The following ADGRL4 variants were observed in gnomAD, a reference collection of about 807,000 sequenced individuals.
ADGRL4 encodes adhesion G protein-coupled receptor L4, also known as EGF, latrophilin and seven transmembrane domain containing 1.
In ADGRL4, 90 loss-of-function variants were observed where a neutral mutation model predicts 74.8. That is an observed-to-expected ratio of 1.20 (90% confidence interval 1.02 to 1.43). ADGRL4 has a LOEUF of 1.43. Ranked by LOEUF, ADGRL4 falls within the 40% of genes most tolerant of loss-of-function variation. The probability of loss-of-function intolerance (pLI) is 0.00; values close to 1 mark genes in which losing one functional copy is unlikely to be tolerated. For synonymous variants in ADGRL4, 311 were observed against 279.2 expected (o/e 1.11, Z -1.14); for missense variants, 881 against 814.3 (o/e 1.08, Z -1.00).
chr1:78,977,287 T>C (rs781462494), intron 2 of ADGRL4, among the ~76,000 whole-genome samples: 2 of 151,808 alleles, frequency 1.3e-5, no homozygotes, highest in Non-Finnish European at 1.5e-5. Context: ...AGGACATCCA[T>C]CAAAAATATT....
At chr1:78,985,403 T>C (rs567883374) in intron 2 of ADGRL4, among the ~76,000 whole-genome samples, 1 of 151,912 alleles carries the variant, frequency 6.6e-6, no homozygotes, top group Non-Finnish European at 1.5e-5. Context: ...AATAAGTATA[T>C]ATTACTTTTA....
chr1:79,004,252 T>C (rs978356082), intron 2 of ADGRL4, among the ~76,000 whole-genome samples: 2 of 150,368 alleles, frequency 1.3e-5, no homozygotes, highest in Admixed American at 1.3e-4. Context: ...AACTAATTTG[T>C]ATGACCTAGT....
At chr1:78,946,078 T>A (rs2100695319) in intron 3 of ADGRL4, among the ~76,000 whole-genome samples, 196 bp downstream of exon 3, 1 of 152,270 alleles carries the variant, frequency 6.6e-6, no homozygotes, top group East Asian at 1.9e-4. Flanking sequence ...TTAAACCTTC[T>A]TCCTGTATCC....
chr1:78,920,487 CAAAATGTTCAT>C lies in ADGRL4; in HGVS notation c.1258-112_1258-102del, dbSNP rs938560046. ...CTTCCTTTTTTGGTGAAACATTAAT[CAAAATGTTCAT>C]AAAATGTAAAAATATAAATGTGCAT... On this transcript the variant is annotated intron_variant, in intron 9 of 14. Coordinates refer to ENST00000370742, the MANE Select transcript of ADGRL4 (RefSeq NM_022159.4). The C allele has an allele frequency of 7.2e-6, 5 of 692,222 alleles. No homozygotes were observed. The African/African-American group carries it at 9.2e-5, about 13-fold the overall frequency. The allele number at this position is 692,222 out of a possible 1,614,324, so 42.9% of individuals were successfully genotyped here. A position where few individuals can be genotyped will look rare whatever the true frequency, so the allele number is the denominator to read the frequency against.
At chr1:78,986,051 C>A (rs78086991) in intron 2 of ADGRL4, among the ~76,000 whole-genome samples, 5,467 of 151,480 alleles carry the variant, frequency 0.036, 123 homozygotes, top group South Asian at 0.053. Flanking sequence ...GGGTTAGGAT[C>A]GAAAAACTGC....
intron 12 of ADGRL4, among the ~76,000 whole-genome samples, chr1:78,914,774 A>G (rs1648836021): frequency 6.6e-6 from 1 of 151,684 alleles, no homozygotes; most frequent in Non-Finnish European, 1.5e-5. Flanking sequence ...GTAGGGGCAG[A>G]GTGGTTGGTT....
At chr1:78,912,612 G>C (rs988765483) in intron 12 of ADGRL4, among the ~76,000 whole-genome samples, 2 of 151,788 alleles carry the variant, frequency 1.3e-5, no homozygotes, top group African/African-American at 2.4e-5. Flanking sequence ...GTGCCAAAAA[G>C]TTGGGGATTG....
intron 12 of ADGRL4, among the ~76,000 whole-genome samples, chr1:78,913,183 T>C (rs1557495000): frequency 6.6e-6 from 1 of 151,968 alleles, no homozygotes; most frequent in Non-Finnish European, 1.5e-5. Flanking sequence ...TTATACACTG[T>C]TGGTGGGAGT....
chr1:78,939,566 T>C (rs1202278373), intron 3 of ADGRL4: 1 of 171,236 alleles, frequency 5.8e-6, no homozygotes, highest in Non-Finnish European at 1.2e-5. Flanking sequence ...TTGGAAGATG[T>C]AGCTCTGTGA....
At chr1:78,984,218 T>A (rs1000143808) in intron 2 of ADGRL4, among the ~76,000 whole-genome samples, 1 of 151,682 alleles carries the variant, frequency 6.6e-6, no homozygotes, top group African/African-American at 2.4e-5. Flanking sequence ...ATATTAATGA[T>A]TAATTTGAGG....
chr1:78,977,735 C>CT (rs527969244), intron 2 of ADGRL4, among the ~76,000 whole-genome samples: 36 of 151,552 alleles, frequency 2.4e-4, no homozygotes, highest in East Asian at 1.6e-3. Context: ...GAATAAGTGC[C>CT]TTTTTTTTCA....
chr1:78,966,524 T>C (rs1167598563), intron 2 of ADGRL4, among the ~76,000 whole-genome samples: 1 of 152,150 alleles, frequency 6.6e-6, no homozygotes, highest in Non-Finnish European at 1.5e-5. Context: ...TTTTCATCCT[T>C]GGTCTTCTGA....
intron 2 of ADGRL4, among the ~76,000 whole-genome samples, chr1:79,003,598 T>C (rs963100658): frequency 2.0e-5 from 3 of 152,008 alleles, no homozygotes; most frequent in Admixed American, 1.3e-4. Flanking sequence ...TAATGGAAGA[T>C]GCGTTTTTAA....
chr1:78,893,131 A>G lies in ADGRL4; in HGVS notation c.1808T>C (p.Leu603Ser). Residue 603 changes from leucine to serine, a missense_variant, in exon 13 of 15, where the codon TTG (leucine) becomes TCG (serine). Leu to Ser is a moderately radical substitution (Grantham distance 145). Coordinates refer to ENST00000370742, the MANE Select transcript of ADGRL4 (RefSeq NM_022159.4). ...IYKVFRHTAG[L>S]KPEVSCFENI... is the part of the protein sequence containing the mutation. ...CTCAAAGCAACTAACTTCTGGTTTCAACCCTGCAGTGTGACGAAAAACTTT... is the reference window on the plus strand; with the variant it reads ...CTCAAAGCAACTAACTTCTGGTTTCGACCCTGCAGTGTGACGAAAAACTTT... The G allele has an allele frequency of 2.5e-6, 4 of 1,602,186 alleles. No homozygotes were observed. The highest frequency in any genetic ancestry group is 3.4e-6 in the Non-Finnish European group (4 of 1,175,332).
chr1:78,903,307 C>A (rs553450933), intron 12 of ADGRL4, among the ~76,000 whole-genome samples: 2 of 152,192 alleles, frequency 1.3e-5, no homozygotes, highest in African/African-American at 4.8e-5. Context: ...TAAGATGTCT[C>A]CAAGTGCACT....
chr1:78,922,955 A>G (rs968954657), intron 8 of ADGRL4, among the ~76,000 whole-genome samples: 1 of 152,016 alleles, frequency 6.6e-6, no homozygotes, highest in East Asian at 1.9e-4. Context: ...ATACAATAAG[A>G]TAATTGTTTT....
intron 12 of ADGRL4, among the ~76,000 whole-genome samples, chr1:78,895,298 A>AT (rs952954261): frequency 6.6e-6 from 1 of 152,030 alleles, no homozygotes; most frequent in Non-Finnish European, 1.5e-5. Context: ...TATGCTAAGA[A>AT]TTTTTTTAAA....
chr1:78,942,027 G>A (rs922069412), intron 3 of ADGRL4, among the ~76,000 whole-genome samples: 20 of 151,816 alleles, frequency 1.3e-4, no homozygotes, highest in Middle Eastern at 6.8e-3. Flanking sequence ...GTGACACCCC[G>A]TCTCTACTAA....
intron 2 of ADGRL4, 101 bp from the exon 3 acceptor site, chr1:78,946,527 G>T: frequency 1.0e-6 from 1 of 953,902 alleles, no homozygotes. Flanking sequence ...GATAGTTTAA[G>T]GTATGTGATG....
Sources: gnomAD v4.1 joint callset for allele counts (sites outside exome capture counted in the v4.1 genomes callset) on GRCh38, gnomAD v4.1.1 for gene constraint, MANE v1.5 for transcripts, NCBI Gene and HGNC (gene_info 2026-07-23, HGNC 2026-07-21) for gene names.